Variants in IGFL2 observed in about 807,000 individuals in gnomAD.
IGFL2 encodes the protein insulin growth factor-like family member 2.
In IGFL2, 7 loss-of-function variants were observed where a neutral mutation model predicts 13.9. That is an observed-to-expected ratio of 0.51 (90% CI 0.29 to 0.95). The LOEUF (loss-of-function observed/expected upper bound fraction) is 0.95, where lower values mean the gene tolerates loss of function less well. Among genes scored for constraint, IGFL2 ranks in the 40% least tolerant of loss-of-function variants. The pLI is 0.08. For synonymous variants in IGFL2, 55 were observed against 55.8 expected, an observed-to-expected ratio of 0.99 and a Z score of 0.07; for missense variants, 138 against 147.8, an observed-to-expected ratio of 0.93 and a Z score of 0.34.
At chr19:46,129,353 C>G in the IGFL2 span, among the ~76,000 whole-genome samples, 238 of 120,096 alleles carry the variant, frequency 2.0e-3, no homozygotes, top group Admixed American at 6.7e-3. Flanking sequence ...GTGTGTGTGT[C>G]TCTGTCTCCT....
chr19:46,132,306 C>A, the IGFL2 span, among the ~76,000 whole-genome samples: 1 of 152,218 alleles, frequency 6.6e-6, no homozygotes, highest in African/African-American at 2.4e-5. Flanking sequence ...CTTTCCATTT[C>A]ATGGAACCAT....
chr19:46,177,058 T>C, the IGFL2 span, among the ~76,000 whole-genome samples: 1 of 152,060 alleles, frequency 6.6e-6, no homozygotes, highest in Admixed American at 6.5e-5. Context: ...TTTTAGCCCT[T>C]AATTTTGTTT....
At chr19:46,153,393 G>A (rs982198963) in intron 1 of IGFL2, among the ~76,000 whole-genome samples, 1 of 152,010 alleles carries the variant, frequency 6.6e-6, no homozygotes, top group African/African-American at 2.4e-5. Context: ...GTATCTTATT[G>A]TGGTTTTGAT....
the IGFL2 span, chr19:46,213,719 C>T: frequency 6.5e-6 from 1 of 153,886 alleles, no homozygotes; most frequent in Non-Finnish European, 1.5e-5. Flanking sequence ...TGGTTCCACC[C>T]AATCTTCTTC....
At chr19:46,212,595 A>T in the IGFL2 span, 1 of 151,114 alleles carries the variant, frequency 6.6e-6, no homozygotes, top group Admixed American at 6.6e-5. Flanking sequence ...TTAAGGAAAA[A>T]TGTCCTTGAA....
At chr19:46,113,156 T>A in the IGFL2 span, 1 of 160,298 alleles carries the variant, frequency 6.2e-6, no homozygotes, top group Non-Finnish European at 1.4e-5. Flanking sequence ...AGACCCAGAC[T>A]GCTGGTCAAC....
intron 1 of IGFL2, among the ~76,000 whole-genome samples, chr19:46,152,735 ACTTGT>A (rs1346128398): frequency 1.3e-5 from 2 of 152,222 alleles, no homozygotes; most frequent in Admixed American, 1.3e-4. Flanking sequence ...GAGTGGATAT[ACTTGT>A]CTTGTCCCTG....
At chr19:46,204,030 T>G in the IGFL2 span, 2 of 152,204 alleles carry the variant, frequency 1.3e-5, no homozygotes, top group African/African-American at 4.8e-5. Flanking sequence ...ACATTATTTT[T>G]GAACATCTGA....
At chr19:46,140,673 A>G (rs2146801127), upstream of IGFL2, among the ~76,000 whole-genome samples, 1 of 152,352 alleles carries the variant, frequency 6.6e-6, no homozygotes, top group East Asian at 1.9e-4. Context: ...CGATTTGTTG[A>G]CAGGCAGTTG....
the IGFL2 span, among the ~76,000 whole-genome samples, chr19:46,200,431 G>A: frequency 3.4e-5 from 5 of 145,538 alleles, no homozygotes; most frequent in Admixed American, 6.8e-5. Context: ...GAGTTGGCCT[G>A]TCAAAGTGCT....
At chr19:46,188,237 A>G in the IGFL2 span, among the ~76,000 whole-genome samples, 1 of 152,066 alleles carries the variant, frequency 6.6e-6, no homozygotes, top group African/African-American at 2.4e-5. Context: ...CCAGAAAGGC[A>G]GGTAACCCCA....
chr19:46,138,328 C>T (rs553208354), upstream of IGFL2, among the ~76,000 whole-genome samples: 1 of 152,290 alleles, frequency 6.6e-6, no homozygotes, highest in African/African-American at 2.4e-5. Context: ...ATCGTCTAAC[C>T]CTGGGGAGCT....
the IGFL2 span, among the ~76,000 whole-genome samples, chr19:46,182,901 C>G: frequency 6.6e-6 from 1 of 152,080 alleles, no homozygotes; most frequent in African/African-American, 2.4e-5. Context: ...CTCACATTCT[C>G]TAGTCTCTCC....
At chr19:46,185,224 C>A in the IGFL2 span, among the ~76,000 whole-genome samples, 1 of 152,138 alleles carries the variant, frequency 6.6e-6, no homozygotes, top group Non-Finnish European at 1.5e-5. Context: ...CTGATAGTTT[C>A]TTCCTTTTTT....
chr19:46,112,094 A>G, the IGFL2 span: 1 of 152,226 alleles, frequency 6.6e-6, no homozygotes, highest in Non-Finnish European at 1.5e-5. Flanking sequence ...TCCTTTTATG[A>G]AGAATTATCC....
chr19:46,111,876 C>T, the IGFL2 span: 5 of 152,194 alleles, frequency 3.3e-5, no homozygotes, highest in African/African-American at 4.8e-5. Context: ...CAAACCTCAC[C>T]ATTATGAAGT....
At chr19:46,197,323 G>T in the IGFL2 span, 1 of 177,926 alleles carries the variant, frequency 5.6e-6, no homozygotes, top group East Asian at 1.4e-4. Flanking sequence ...GTGGGTCCTG[G>T]GGGGCTGCAT....
chr19:46,123,787 T>C, the IGFL2 span: 1 of 1,341,870 alleles, frequency 7.5e-7, no homozygotes, highest in Non-Finnish European at 1.0e-6. Flanking sequence ...CTGACTCTTT[T>C]GCCGTTAGAA....
At chr19:46,165,767 C>T (rs975382137), downstream of IGFL2, among the ~76,000 whole-genome samples, 1 of 152,206 alleles carries the variant, frequency 6.6e-6, no homozygotes, top group Non-Finnish European at 1.5e-5. Context: ...TTGATACAGG[C>T]AAAGGACATA....
Sources: gnomAD v4.1 joint callset for allele counts (sites outside exome capture counted in the v4.1 genomes callset) on GRCh38, gnomAD v4.1.1 for gene constraint, MANE v1.5 for transcripts, NCBI Gene and HGNC (gene_info 2026-07-23, HGNC 2026-07-21) for gene names.